Variants in KANSL1L observed in about 807,000 individuals in gnomAD.
KANSL1L encodes the protein KAT8 regulatory NSL complex subunit 1 like.
In KANSL1L, 25 loss-of-function variants were observed where a neutral mutation model predicts 108.6. The observed-to-expected ratio is 0.23, with a 90% CI of 0.17 to 0.32. KANSL1L has a LOEUF of 0.32. Ranked by LOEUF, KANSL1L falls within the 10% of genes least tolerant of loss-of-function variation. The pLI, the probability that KANSL1L is intolerant of heterozygous loss-of-function variation, is 1.00. For synonymous variants in KANSL1L, 405 were observed against 395.1 expected (o/e 1.03, Z -0.30); for missense variants, 1,137 against 1,125.7 (o/e 1.01, Z -0.14).
chr2:210,081,443 C>T (rs559372431), intron 5 of KANSL1L, among the ~76,000 whole-genome samples: 1 of 152,304 alleles, frequency 6.6e-6, no homozygotes, highest in Non-Finnish European at 1.5e-5. Context: ...CATGATCTCC[C>T]TCCAAAGACT....
Position 210,105,847 on chromosome 2 carries a change from C to T in KANSL1L, c.1231-1546G>A, listed in dbSNP as rs372721334. 9.2e-4 allele frequency among the ~76,000 whole-genome samples: 140 copies of T among 151,880 alleles called. 1 individual carries two copies. In the South Asian group the frequency reaches 0.016, roughly 17 times the overall value. ...TTTTCTTAGAATGAACAAATATGGC[C>T]GTCAAGAAATCTGAAGAAACATGCT... On this transcript the variant is annotated intron_variant, in intron 3 of 14. Coordinates refer to ENST00000281772, the MANE Select transcript of KANSL1L (RefSeq NM_152519.4).
intron 13 of KANSL1L, 98 bp downstream of exon 13, chr2:210,025,006 C>T (rs1469631405): frequency 8.0e-6 from 6 of 746,144 alleles, no homozygotes; most frequent in Non-Finnish European, 1.2e-5. Flanking sequence ...GTTACAACAG[C>T]ATGTTTTCCT....
At chr2:210,129,009 G>T in intron 3 of KANSL1L, 22 bp downstream of exon 3, 1 of 1,583,770 alleles carries the variant, frequency 6.3e-7, no homozygotes, top group South Asian at 1.1e-5. Context: ...AACAAAAGTA[G>T]AAGAACACAG....
rs2094756660 is a variant in KANSL1L, at chr2:210,098,153, G to C, written c.1483C>G (p.Pro495Ala). ...TTGGAAGAGAGGGGTGATGAAGTTG[G>C]GGACAAGTTGAGAGGGGCAATCAAA... is the stretch of plus-strand genomic sequence containing the variant. Reference protein sequence around the residue: ...NSLIAPLNLSPTSSPLSSKSC... With the variant: ...NSLIAPLNLSATSSPLSSKSC... Residue 495 changes from proline to alanine, a missense_variant, in exon 5 of 15, where the codon CCA becomes GCA. Physicochemically the swap from Pro to Ala is conservative, Grantham distance 27. This residue lies in a region of KANSL1L where 575 missense variants were observed against 567.1 expected (regional missense o/e 1.01). Transcript: ENST00000281772. 4 of 1,612,244 alleles carry C rather than the reference G, an allele frequency of 2.5e-6. No individual in the cohort carries two copies. The highest frequency in any genetic ancestry group is 1.3e-5 in the African/African-American group (1 of 74,798).
At chr2:210,081,012 C>T (rs536482981) in intron 5 of KANSL1L, among the ~76,000 whole-genome samples, 2 of 152,106 alleles carry the variant, frequency 1.3e-5, no homozygotes, top group African/African-American at 4.8e-5. Flanking sequence ...GAGCCTGAGG[C>T]ATGAGAATCG....
At chr2:210,163,342 A>G (rs1282167796) in intron 1 of KANSL1L, among the ~76,000 whole-genome samples, 2 of 152,228 alleles carry the variant, frequency 1.3e-5, no homozygotes, top group African/African-American at 4.8e-5. Flanking sequence ...GAAATGCTAG[A>G]AATCAAAAAC....
intron 2 of KANSL1L, among the ~76,000 whole-genome samples, chr2:210,139,536 TTCC>T (rs1453090400): frequency 2.0e-5 from 3 of 152,182 alleles, no homozygotes; most frequent in South Asian, 2.1e-4. Context: ...GTACAAGAGT[TTCC>T]TTTTATCTGT....
intron 2 of KANSL1L, among the ~76,000 whole-genome samples, chr2:210,142,974 T>C (rs1323972818): frequency 1.3e-5 from 2 of 152,096 alleles, no homozygotes; most frequent in African/African-American, 2.4e-5. Flanking sequence ...GCCTAAACTA[T>C]AGTTCCAGCC....
At chr2:210,065,290 CAAAAAAAAAAAA>C (rs60860386) in intron 6 of KANSL1L, among the ~76,000 whole-genome samples, 7 of 53,300 alleles carry the variant, frequency 1.3e-4, no homozygotes, top group Middle Eastern at 0.02. Flanking sequence ...GACTCTGTCT[CAAAAAAAAAAAA>C]AAAAAAAAAA....
intron 2 of KANSL1L, among the ~76,000 whole-genome samples, chr2:210,144,428 T>A (rs1018551573): frequency 6.6e-6 from 1 of 152,214 alleles, no homozygotes; most frequent in African/African-American, 2.4e-5. Flanking sequence ...TCTACTTCCT[T>A]AATTGCTATA....
intron 4 of KANSL1L, among the ~76,000 whole-genome samples, chr2:210,099,833 C>G (rs1008878864): frequency 6.6e-6 from 1 of 152,000 alleles, no homozygotes; most frequent in African/African-American, 2.4e-5. Context: ...ATACCCGAGT[C>G]ATATGGGGAA....
intron 3 of KANSL1L, among the ~76,000 whole-genome samples, chr2:210,118,798 T>G (rs2094983643): frequency 6.6e-6 from 1 of 150,988 alleles, no homozygotes; most frequent in Non-Finnish European, 1.5e-5. Flanking sequence ...GAGTCGAAAT[T>G]GTGCCACTCC....
At chr2:210,136,139 A>G (rs573612523) in intron 2 of KANSL1L, among the ~76,000 whole-genome samples, 7 of 152,296 alleles carry the variant, frequency 4.6e-5, no homozygotes, top group African/African-American at 1.2e-4. Context: ...GAGTAAACAC[A>G]TCTTGAGATC....
chr2:210,031,547 C>T lies in KANSL1L; in HGVS notation c.2030-1G>A. 6.7e-7 allele frequency: 1 copy of T among 1,499,604 alleles called. No individual in the cohort carries two copies. Among genetic ancestry groups the T allele is most frequent in the Non-Finnish European group, 9.1e-7 (1 of 1,104,084 alleles). 92.9% of individuals were successfully genotyped at this position (1,499,604 alleles called of 1,614,324 possible). A position where few individuals can be genotyped will look rare whatever the true frequency, so the allele number is the denominator to read the frequency against. Reference sequence around the variant, plus strand: ...CTCCATTGATTCAGAGTACTATGTACTAAAACAAATGAAAAGGAAATATTA... The same window carrying T: ...CTCCATTGATTCAGAGTACTATGTATTAAAACAAATGAAAAGGAAATATTA... On this transcript the variant is annotated splice_acceptor_variant, in intron 8 of 14. Transcript: ENST00000281772. LOFTEE classifies it high-confidence loss of function.
chr2:210,043,819 G>C, intron 7 of KANSL1L, 120 bp downstream of exon 7: 1 of 638,200 alleles, frequency 1.6e-6, no homozygotes, highest in Middle Eastern at 3.4e-4. Flanking sequence ...GCATTGCTTA[G>C]TTCTAATATC....
Position 210,120,090 on chromosome 2 carries a change from T to G in KANSL1L, c.1230+8941A>C, listed in dbSNP as rs1021845628. Among the ~76,000 whole-genome samples, 49 of 152,144 alleles carry G rather than the reference T, an allele frequency of 3.2e-4. 1 individual carries two copies. The highest frequency in any genetic ancestry group is 1.2e-4 in the Non-Finnish European group (8 of 68,020). ...AATAAGCAATGGGGAAAGAATTCCCTATTCAGTAAGTGGTGCTGGCCAGGC... is the reference window on the plus strand; with the variant it reads ...AATAAGCAATGGGGAAAGAATTCCCGATTCAGTAAGTGGTGCTGGCCAGGC... On this transcript the variant is annotated intron_variant, in intron 3 of 14. Transcript: ENST00000281772.
At chr2:210,108,057 C>T (rs1411845481) in intron 3 of KANSL1L, among the ~76,000 whole-genome samples, 1 of 152,098 alleles carries the variant, frequency 6.6e-6, no homozygotes, top group African/African-American at 2.4e-5. Flanking sequence ...CAAGACAGTA[C>T]TGGCCATCCT....
intron 7 of KANSL1L, among the ~76,000 whole-genome samples, chr2:210,041,775 T>C (rs2094166594): frequency 6.6e-6 from 1 of 152,220 alleles, no homozygotes; most frequent in South Asian, 2.1e-4. Context: ...AAATGATCTC[T>C]TCTTCAAATA....
At chr2:210,100,566 CT>C (rs994460652) in intron 4 of KANSL1L, among the ~76,000 whole-genome samples, 4 of 152,112 alleles carry the variant, frequency 2.6e-5, no homozygotes, top group African/African-American at 9.7e-5. Context: ...GTAGATTATC[CT>C]AAGAAAACCA....
Sources: gnomAD v4.1 joint callset for allele counts (sites outside exome capture counted in the v4.1 genomes callset) on GRCh38, gnomAD v4.1.1 for gene constraint, gnomAD v4.1.1 regional missense constraint, MANE v1.5 for transcripts, NCBI Gene and HGNC (gene_info 2026-07-23, HGNC 2026-07-21) for gene names.